Variants in PARP4 observed in about 807,000 individuals in gnomAD.
PARP4 encodes poly(ADP-ribose) polymerase family member 4, also known as protein mono-ADP-ribosyltransferase PARP4.
In PARP4, 120 loss-of-function variants were observed where a neutral mutation model predicts 187.7. The observed-to-expected ratio is 0.64, with a 90% CI of 0.55 to 0.74. The LOEUF (loss-of-function observed/expected upper bound fraction) is 0.74, where lower values mean the gene tolerates loss of function less well. Ranked by LOEUF, PARP4 falls within the 30% of genes least tolerant of loss-of-function variation. The pLI is 0.00. For synonymous variants in PARP4, 654 were observed against 740.9 expected, an observed-to-expected ratio of 0.88 and a Z score of 1.90; for missense variants, 1,836 against 2,070.5, an observed-to-expected ratio of 0.89 and a Z score of 2.20.
At position 24,421,273 on chromosome 13, in the gene PARP4, T is replaced by A. The variant is rs370963616; in HGVS notation, c.5021A>T (p.Glu1674Val). 1.9e-4 allele frequency: 256 copies of A among 1,338,316 alleles called. No individual in the cohort carries two copies. In the East Asian group the frequency reaches 5.5e-3, roughly 29 times the overall value. 82.9% of individuals were successfully genotyped at this position (1,338,316 alleles called of 1,614,324 possible). Reference sequence around the variant, plus strand: ...CTGTCCTTCAGTTCTTCTTACCCATTCACTTGCTTGCTTTATTGCCTCAAA... The same window carrying A: ...CTGTCCTTCAGTTCTTCTTACCCATACACTTGCTTGCTTTATTGCCTCAAA... ...WAFEAIKQASEWVRRTEGQYP... is the reference protein window; with the variant it reads ...WAFEAIKQASVWVRRTEGQYP... Residue 1674 changes from glutamate (E) to valine (V), a missense_variant, in exon 34 of 34, where the codon GAA becomes GTA. Coordinates refer to ENST00000381989, the MANE Select transcript of PARP4 (RefSeq NM_006437.4).
intron 17 of PARP4, among the ~76,000 whole-genome samples, chr13:24,461,468 A>C (rs149859894): frequency 4.6e-5 from 7 of 152,296 alleles, no homozygotes; most frequent in African/African-American, 1.7e-4. Flanking sequence ...GAACTCATCA[A>C]CCAAGCGAAC....
chr13:24,488,457 G>A (rs983926629), intron 10 of PARP4, among the ~76,000 whole-genome samples: 5 of 152,266 alleles, frequency 3.3e-5, no homozygotes. Context: ...GGGTTCAAGC[G>A]ATTCTTGTGC....
At chr13:24,452,617 T>C in intron 23 of PARP4, 24 bp from the exon 24 acceptor site, 1 of 1,588,452 alleles carries the variant, frequency 6.3e-7, no homozygotes, top group Non-Finnish European at 8.6e-7. Flanking sequence ...AGTGAAAGAT[T>C]ATGTTCTCCT....
intron 1 of PARP4, among the ~76,000 whole-genome samples, chr13:24,508,500 T>C (rs1869830284): frequency 6.6e-6 from 1 of 152,204 alleles, no homozygotes; most frequent in African/African-American, 2.4e-5. Context: ...CTTCTGGGCT[T>C]TTTTCTAGGT....
intron 17 of PARP4, among the ~76,000 whole-genome samples, chr13:24,463,815 A>G (rs1872323881): frequency 6.6e-6 from 1 of 152,188 alleles, no homozygotes; most frequent in African/African-American, 2.4e-5. Flanking sequence ...GTCAAGATAA[A>G]GAAATAAAGG....
rs1388404824 is a variant in PARP4 at position 24,441,893 on chromosome 13, G to A, written c.3619C>T (p.Pro1207Ser). 1 of 1,609,184 alleles carries A rather than the reference G, an allele frequency of 6.2e-7. No homozygotes were observed. The highest frequency in any genetic ancestry group is 1.3e-5 in the African/African-American group (1 of 74,512). Residue 1207 changes from proline to serine, a missense_variant, in exon 30 of 34, where the codon CCC (proline) becomes TCC (serine). Physicochemically the swap from Pro to Ser is moderately conservative, Grantham distance 74. Transcript: ENST00000381989. The part of the protein sequence containing the change: ...LIAKEDVDFL[P>S]YMSWQGEPQE... ...GGCTCCCCCTGCCAGCTCATGTAGGGCAGGAAGTCTACATCTTCTTTGGCA... is the reference window on the plus strand; with the variant it reads ...GGCTCCCCCTGCCAGCTCATGTAGGACAGGAAGTCTACATCTTCTTTGGCA...
intron 14 of PARP4, among the ~76,000 whole-genome samples, chr13:24,477,434 G>A (rs1328023963): frequency 6.6e-6 from 1 of 151,042 alleles, no homozygotes; most frequent in Non-Finnish European, 1.5e-5. Context: ...CTCCAGCCTG[G>A]GGGACAGAGT....
At chr13:24,477,920 G>T in intron 13 of PARP4, 63 bp from the exon 14 acceptor site, 1 of 1,249,798 alleles carries the variant, frequency 8.0e-7, no homozygotes, top group Non-Finnish European at 1.1e-6. Context: ...TGTATTGGCA[G>T]ATGTTTTCAT....
At chr13:24,491,823 CAT>C (rs995352351) in intron 9 of PARP4, among the ~76,000 whole-genome samples, 2 of 152,230 alleles carry the variant, frequency 1.3e-5, no homozygotes, top group Non-Finnish European at 1.5e-5. Context: ...AGATTGTGCA[CAT>C]GACTTCATTC....
chr13:24,459,923 C>T, intron 18 of PARP4, 49 bp downstream of exon 18: 2 of 1,540,478 alleles, frequency 1.3e-6, no homozygotes, highest in Non-Finnish European at 1.8e-6. Flanking sequence ...CTCCACCACT[C>T]CCCCTCCACT....
At chr13:24,486,384 A>G (rs7999189) in intron 10 of PARP4, 79 bp from the exon 11 acceptor site, 97,214 of 900,420 alleles carry the variant, frequency 0.11, 5,651 homozygotes, top group Middle Eastern at 0.13. Flanking sequence ...AAGAAATCCC[A>G]AAAGAGTCCA....
chr13:24,456,736 T>C (rs1871876758), intron 20 of PARP4, among the ~76,000 whole-genome samples: 1 of 151,874 alleles, frequency 6.6e-6, no homozygotes, highest in Admixed American at 6.6e-5. Context: ...CTGTCTCTAC[T>C]AAAAATACAA....
At chr13:24,481,906 A>T (rs1873301075) in intron 12 of PARP4, among the ~76,000 whole-genome samples, 1 of 152,236 alleles carries the variant, frequency 6.6e-6, no homozygotes, top group South Asian at 2.1e-4. Context: ...TATAGCTGCC[A>T]TAGACAGTGA....
rs1565982159 is a variant in PARP4, at chr13:24,421,017, CTGAA to C, written c.*98_*101del. 1 of 1,456,530 alleles carries C rather than the reference CTGAA, an allele frequency of 6.9e-7. No homozygotes were observed. Among genetic ancestry groups the C allele is most frequent in the Non-Finnish European group, 9.1e-7 (1 of 1,093,998 alleles). 90.2% of individuals were successfully genotyped at this position (1,456,530 alleles called of 1,614,324 possible). On this transcript the variant is annotated 3_prime_UTR_variant, in exon 34 of 34. Coordinates refer to ENST00000381989, the MANE Select transcript of PARP4 (RefSeq NM_006437.4). Reference sequence around the variant, plus strand: ...ATTTTTAAAGACAGTAATTGCTACACTGAATGAAACCTTAATGAAGTTTCATTAT... The same window carrying C: ...ATTTTTAAAGACAGTAATTGCTACACTGAAACCTTAATGAAGTTTCATTAT...
At chr13:24,455,499 A>T (rs1017772415) in intron 21 of PARP4, among the ~76,000 whole-genome samples, 1 of 139,898 alleles carries the variant, frequency 7.1e-6, no homozygotes, top group Admixed American at 7.2e-5. Context: ...ATATATATAT[A>T]TATATATCAC....
chr13:24,481,047 G>A (rs1438548345), intron 12 of PARP4, among the ~76,000 whole-genome samples: 4 of 152,240 alleles, frequency 2.6e-5, no homozygotes, highest in Non-Finnish European at 5.9e-5. Context: ...AATGCAGCTG[G>A]TGACTATAAG....
At chr13:24,493,828 T>C in intron 7 of PARP4, 95 bp from the exon 8 acceptor site, 1 of 1,241,612 alleles carries the variant, frequency 8.1e-7, no homozygotes, top group Non-Finnish European at 1.2e-6. Context: ...TGAGGAGAAA[T>C]AATTGATTAG....
chr13:24,505,445 C>T lies in PARP4; in HGVS notation c.-1-1668G>A, dbSNP rs145862705. ...GGATGTCATCATGGTGTTCCTTGGA[C>T]GTTTGCCCAAGAAGTCATGAGAGGG... On this transcript the variant is annotated intron_variant, in intron 1 of 33. Coordinates refer to ENST00000381989, the MANE Select transcript of PARP4 (RefSeq NM_006437.4). 2.3e-3 allele frequency among the ~76,000 whole-genome samples: 343 copies of T among 152,250 alleles called. 2 individuals carry two copies. Among genetic ancestry groups the T allele is most frequent in the African/African-American group, 7.5e-3 (311 of 41,528 alleles).
chr13:24,474,189 TTG>T (rs1872865287), intron 15 of PARP4, among the ~76,000 whole-genome samples: 1 of 152,198 alleles, frequency 6.6e-6, no homozygotes, highest in African/African-American at 2.4e-5. Flanking sequence ...TGTCTTTCTC[TTG>T]TGTCCCGTCC....
Sources: allele counts gnomAD v4.1 joint callset (sites outside exome capture counted in the v4.1 genomes callset), GRCh38; gene constraint gnomAD v4.1.1; transcripts MANE v1.5; gene names NCBI Gene and HGNC (gene_info 2026-07-23, HGNC 2026-07-21).